Variants in CACNA1C observed in about 807,000 individuals in gnomAD.
CACNA1C encodes the protein calcium voltage-gated channel subunit alpha1 C.
In CACNA1C, 30 loss-of-function variants were observed where a neutral mutation model predicts 229.0. The ratio of observed to expected loss-of-function variants is 0.13; its 90% confidence interval spans 0.10 to 0.18. CACNA1C has a LOEUF of 0.18. Ranked by LOEUF, CACNA1C falls within the 10% of genes least tolerant of loss-of-function variation. The pLI is 1.00. For missense variants in CACNA1C, 1,658 were observed against 2,845.0 expected, an observed-to-expected ratio of 0.58 and a Z score of 9.49; for synonymous variants, 1,114 against 1,132.5, an observed-to-expected ratio of 0.98 and a Z score of 0.33.
At chr12:2,523,718 A>G (rs531445226) in intron 9 of CACNA1C, among the ~76,000 whole-genome samples, 126 of 152,192 alleles carry the variant, frequency 8.3e-4, no homozygotes, top group Non-Finnish European at 1.6e-3. Context: ...AGCTGATTTG[A>G]CTTTAATTTG....
chr12:2,632,294 G>A lies in CACNA1C; in HGVS notation c.3829-2003G>A, dbSNP rs1337592275. On this transcript the variant is annotated intron_variant, in intron 29 of 46. Coordinates refer to ENST00000399655, the MANE Select transcript of CACNA1C (RefSeq NM_000719.7). The surrounding 1 kb of genome is among the most constrained non-coding windows in gnomAD (Gnocchi z 4.1). ...AATATGACCGCCTGTAGCTGGGGGT[G>A]TATGGGGACTATGACCGCCTGTAGC... is the stretch of plus-strand genomic sequence containing the variant. Among the ~76,000 whole-genome samples, 1 of 28,260 alleles carries A rather than the reference G, an allele frequency of 3.5e-5. No homozygotes were observed. Among genetic ancestry groups the A allele is most frequent in the Non-Finnish European group, 9.5e-5 (1 of 10,562 alleles). The allele number at this position is 28,260 out of a possible 152,430, so 18.5% of individuals were successfully genotyped here. A position where few individuals can be genotyped will look rare whatever the true frequency, so the allele number is the denominator to read the frequency against.
intron 38 of CACNA1C, 87 bp from the exon 39 acceptor site, chr12:2,674,454 C>A: frequency 6.7e-7 from 1 of 1,489,324 alleles, no homozygotes; most frequent in African/African-American, 1.4e-5. Flanking sequence ...GGGGCAGATG[C>A]CACCATCTGT....
chr12:2,682,710 C>A, intron 43 of CACNA1C, 32 bp downstream of exon 43: 1 of 1,596,192 alleles, frequency 6.3e-7, no homozygotes, highest in Non-Finnish European at 8.5e-7. Flanking sequence ...TGAGGCTGAC[C>A]CAAGTGTGGG....
rs201661451 is a variant in CACNA1C, at chr12:2,082,317, C to T, written c.49+28706C>T. On this transcript the variant is annotated intron_variant, in intron 1 of 46. Transcript: ENST00000399655. ...CTGCACTTCCTGTGAATTAATGCCC[C>T]GCTTTTCCCCTCTCACACATGCTTT... Among the ~76,000 whole-genome samples the T allele has an allele frequency of 1.5e-4, 23 of 152,284 alleles. No homozygotes were observed. The East Asian group carries it at 2.5e-3, about 17-fold the overall frequency.
At chr12:2,184,017 T>C (rs559545110) in intron 3 of CACNA1C, among the ~76,000 whole-genome samples, 28 of 152,342 alleles carry the variant, frequency 1.8e-4, no homozygotes, top group African/African-American at 6.5e-4. Context: ...GTCTGAAAGC[T>C]TTTGCAATTG....
At chr12:2,220,694 T>C (rs1200972393) in intron 3 of CACNA1C, 1 of 152,270 alleles carries the variant, frequency 6.6e-6, no homozygotes, top group African/African-American at 2.4e-5. Flanking sequence ...ACATTAGTTT[T>C]AGCTTGAGTA....
chr12:2,255,412 T>C (rs530331702), intron 3 of CACNA1C, among the ~76,000 whole-genome samples: 1 of 152,260 alleles, frequency 6.6e-6, no homozygotes, highest in South Asian at 2.1e-4. Flanking sequence ...TCCAGGTCCA[T>C]TTACTAATGT....
At chr12:2,450,599 C>T (rs2099360657) in intron 4 of CACNA1C, among the ~76,000 whole-genome samples, 2 of 142,822 alleles carry the variant, frequency 1.4e-5, no homozygotes, top group African/African-American at 5.1e-5. Flanking sequence ...GAAGTTCCAT[C>T]AACACATCTG....
intron 3 of CACNA1C, among the ~76,000 whole-genome samples, chr12:2,195,335 A>G (rs1046505333): frequency 2.6e-5 from 4 of 152,180 alleles, no homozygotes; most frequent in African/African-American, 7.2e-5. Context: ...CCCACAGAAC[A>G]CAGGACAGGC....
chr12:2,599,377 A>G (rs1000103578), intron 21 of CACNA1C, among the ~76,000 whole-genome samples: 2 of 152,198 alleles, frequency 1.3e-5, no homozygotes, highest in Admixed American at 6.5e-5. Flanking sequence ...CACAAGGAAC[A>G]GTGGAAGGGC....
intron 3 of CACNA1C, among the ~76,000 whole-genome samples, chr12:2,230,020 GCT>G (rs1195022374): frequency 2.6e-5 from 4 of 152,222 alleles, no homozygotes; most frequent in Non-Finnish European, 5.9e-5. Context: ...CTCCGCAGTA[GCT>G]CTGAGAACTG....
intron 3 of CACNA1C, among the ~76,000 whole-genome samples, chr12:2,406,434 T>C (rs1012708177): frequency 1.3e-5 from 2 of 152,234 alleles, no homozygotes; most frequent in Non-Finnish European, 2.9e-5. Context: ...CCAACTCTGC[T>C]CACTTTTTAA....
At chr12:2,316,122 C>T (rs556285382) in intron 3 of CACNA1C, among the ~76,000 whole-genome samples, 7 of 152,372 alleles carry the variant, frequency 4.6e-5, no homozygotes, top group African/African-American at 1.7e-4. Context: ...GCTGGCTCCA[C>T]TAAGAGAATG....
chr12:2,625,749 A>G (rs2086073809), intron 29 of CACNA1C, among the ~76,000 whole-genome samples: 1 of 151,736 alleles, frequency 6.6e-6, no homozygotes, highest in African/African-American at 2.4e-5. Context: ...CCAGGAGTTC[A>G]AGACCACCCT....
At chr12:2,148,547 T>C (rs2094935782) in intron 3 of CACNA1C, among the ~76,000 whole-genome samples, 1 of 151,170 alleles carries the variant, frequency 6.6e-6, no homozygotes, top group Admixed American at 6.7e-5. Flanking sequence ...TTTGAATTTG[T>C]CATCTTTTTG....
rs2037367386 is a variant in CACNA1C, at chr12:1,985,258, A to G, written c.139+14057A>G. On this transcript the variant is annotated intron_variant, in intron 1 of 46. Coordinates refer to the CACNA1C transcript ENST00000682462. Reference sequence around the variant, plus strand: ...TCAATGGCACAAATTAGACCTTCTGATATTGCCCCACGGATTTCTGAAGGC... The same window carrying G: ...TCAATGGCACAAATTAGACCTTCTGGTATTGCCCCACGGATTTCTGAAGGC... Among the ~76,000 whole-genome samples, 6 of 152,162 alleles carry G rather than the reference A, an allele frequency of 3.9e-5. No individual in the cohort carries two copies. The South Asian group carries it at 1.2e-3, about 32-fold the overall frequency.
chr12:2,399,364 G>C (rs537170898), intron 3 of CACNA1C, among the ~76,000 whole-genome samples: 2 of 152,306 alleles, frequency 1.3e-5, no homozygotes, highest in Admixed American at 1.3e-4. Context: ...CCGGGATCTA[G>C]GAAGAATCAG....
At chr12:2,387,447 G>A (rs1405201594) in intron 3 of CACNA1C, among the ~76,000 whole-genome samples, 3 of 151,702 alleles carry the variant, frequency 2.0e-5, no homozygotes, top group Non-Finnish European at 4.4e-5. Context: ...ATTGCACCAC[G>A]GCACTCCAGC....
At chr12:2,337,245 T>C (rs1390268489) in intron 3 of CACNA1C, among the ~76,000 whole-genome samples, 2 of 152,218 alleles carry the variant, frequency 1.3e-5, no homozygotes. Context: ...CCTTCCCCTG[T>C]AGAACTGAGT....
Sources: allele counts gnomAD v4.1 joint callset (sites outside exome capture counted in the v4.1 genomes callset), GRCh38; gene constraint gnomAD v4.1.1; non-coding constraint Gnocchi (gnomAD v3.1); transcripts MANE v1.5; gene names NCBI Gene and HGNC (gene_info 2026-07-23, HGNC 2026-07-21).